AKAP6: variants seen among roughly 807,000 people sequenced by gnomAD.
The protein encoded by AKAP6 is A-kinase anchor protein 6.
AKAP6 carries 58 observed loss-of-function variants against 188.5 expected under a neutral mutation model. That is an observed-to-expected ratio of 0.31 (90% CI 0.25 to 0.38). The LOEUF (loss-of-function observed/expected upper bound fraction) is 0.38. Ranked by LOEUF, AKAP6 falls within the 10% of genes least tolerant of loss-of-function variation. The pLI, the probability that AKAP6 is intolerant of heterozygous loss-of-function variation, is 1.00. For synonymous variants in AKAP6, 989 were observed against 998.6 expected, an observed-to-expected ratio of 0.99 and a Z score of 0.18; for missense variants, 2,710 against 2,740.0, an observed-to-expected ratio of 0.99 and a Z score of 0.24.
intron 2 of AKAP6, among the ~76,000 whole-genome samples, chr14:32,483,827 C>T (rs1879506948): frequency 1.3e-5 from 2 of 151,920 alleles, no homozygotes; most frequent in Non-Finnish European, 1.5e-5. Flanking sequence ...ATATGCAGAA[C>T]GTGCAGGTTT....
At chr14:32,527,824 T>C (rs940155936) in intron 2 of AKAP6, among the ~76,000 whole-genome samples, 6 of 152,228 alleles carry the variant, frequency 3.9e-5, no homozygotes, top group African/African-American at 1.2e-4. Flanking sequence ...TGTTGAGCTT[T>C]AAGACTTCTT....
chr14:32,461,087 A>G (rs1594638177), intron 2 of AKAP6, among the ~76,000 whole-genome samples: 2 of 152,308 alleles, frequency 1.3e-5, no homozygotes, highest in East Asian at 3.9e-4. Flanking sequence ...CAAAACCTCC[A>G]TGTCCCTGGG....
chr14:32,513,898 G>C (rs2139033307), intron 2 of AKAP6, among the ~76,000 whole-genome samples: 1 of 152,060 alleles, frequency 6.6e-6, no homozygotes, highest in African/African-American at 2.4e-5. Context: ...AACATCTTCT[G>C]ATGCGATTAA....
chr14:32,445,757 G>A (rs960546172), intron 2 of AKAP6, among the ~76,000 whole-genome samples: 1 of 152,014 alleles, frequency 6.6e-6, no homozygotes, highest in African/African-American at 2.4e-5. Flanking sequence ...TACTACTCCA[G>A]CTGTTTTTTT....
rs188440236 is a variant in AKAP6 at position 32,481,245 on chromosome 14, G to A, written c.324+47428G>A. Among the ~76,000 whole-genome samples the A allele has an allele frequency of 2.9e-3, 449 of 152,228 alleles. 4 individuals carry two copies. Among genetic ancestry groups the A allele is most frequent in the African/African-American group, 0.01 (427 of 41,530 alleles). ...AATTCCAAGATGGTAAACACTGAAA[G>A]GACACTTCTCCCTACCCCTATTCTC... On this transcript the variant is annotated intron_variant, in intron 2 of 13. Transcript: ENST00000280979.
intron 2 of AKAP6, among the ~76,000 whole-genome samples, chr14:32,493,682 G>T (rs1299558312): frequency 5.3e-5 from 8 of 152,170 alleles, no homozygotes; most frequent in Non-Finnish European, 8.8e-5. Flanking sequence ...ACTGGGAGTT[G>T]GTTGGGGGTA....
At chr14:32,491,479 C>T (rs1300778717) in intron 2 of AKAP6, among the ~76,000 whole-genome samples, 1 of 152,134 alleles carries the variant, frequency 6.6e-6, no homozygotes, top group Non-Finnish European at 1.5e-5. Context: ...CTCTATAACC[C>T]ATAGAATGAA....
chr14:32,487,930 C>T (rs1036177025), intron 2 of AKAP6, among the ~76,000 whole-genome samples: 1 of 152,204 alleles, frequency 6.6e-6, no homozygotes, highest in Non-Finnish European at 1.5e-5. Flanking sequence ...CCCAGAGGGG[C>T]ACCCACCAGA....
intron 2 of AKAP6, among the ~76,000 whole-genome samples, chr14:32,498,595 AGTTT>A (rs1444614056): frequency 6.6e-6 from 1 of 152,010 alleles, no homozygotes; most frequent in Admixed American, 6.6e-5. Flanking sequence ...TTAATCCACC[AGTTT>A]GTTTGCTTTT....
At chr14:32,416,269 T>C (rs1411453851) in intron 1 of AKAP6, among the ~76,000 whole-genome samples, 2 of 152,198 alleles carry the variant, frequency 1.3e-5, no homozygotes, top group African/African-American at 4.8e-5. Flanking sequence ...CAATACCTTG[T>C]AGTTTTGATT....
chr14:32,594,561 T>C (rs17506512), intron 5 of AKAP6, among the ~76,000 whole-genome samples: 14,869 of 152,222 alleles, frequency 0.098, 1,020 homozygotes, highest in Admixed American at 0.19. Context: ...CCTCTTTGGA[T>C]GGCATTGTGG....
At chr14:32,447,774 C>T (rs34976846) in intron 2 of AKAP6, among the ~76,000 whole-genome samples, 31,842 of 152,084 alleles carry the variant, frequency 0.21, 4,360 homozygotes, top group Middle Eastern at 0.32. Context: ...TAGTTGGCAA[C>T]TTAATCATTC....
chr14:32,822,085 T>C lies in AKAP6; in HGVS notation c.4272T>C (p.Asn1424=), dbSNP rs777785860. 17 of 1,613,916 alleles carry C rather than the reference T, an allele frequency of 1.1e-5. No homozygotes were observed. In the South Asian group the frequency reaches 1.8e-4, roughly 17 times the overall value. ...TDEGESIKLP[N]SSQSSISPVG... Reference sequence around the variant, plus strand: ...AGGGGGAAAGCATTAAGCTTCCAAATAGCTCTCAGTCGTCCATTTCACCAG... The same window carrying C: ...AGGGGGAAAGCATTAAGCTTCCAAACAGCTCTCAGTCGTCCATTTCACCAG... Residue 1424 remains asparagine, a synonymous_variant, in exon 13 of 14, where the codon AAT becomes AAC. Coordinates refer to ENST00000280979, the MANE Select transcript of AKAP6 (RefSeq NM_004274.5).
intron 4 of AKAP6, among the ~76,000 whole-genome samples, chr14:32,559,940 A>T (rs984628907): frequency 6.6e-6 from 1 of 152,056 alleles, no homozygotes; most frequent in Non-Finnish European, 1.5e-5. Context: ...CTGACTGAAG[A>T]AAGAAATAGA....
chr14:32,642,544 A>G (rs1887805427), intron 7 of AKAP6, among the ~76,000 whole-genome samples: 1 of 152,164 alleles, frequency 6.6e-6, no homozygotes, highest in African/African-American at 2.4e-5. Context: ...TAGAGGGAAA[A>G]TGTCCTTAAA....
chr14:32,462,259 AC>A (rs756164427), intron 2 of AKAP6, among the ~76,000 whole-genome samples: 5 of 152,096 alleles, frequency 3.3e-5, no homozygotes, highest in Non-Finnish European at 7.4e-5. Context: ...GAGAAGAGCA[AC>A]CCCAAGACAC....
intron 12 of AKAP6, among the ~76,000 whole-genome samples, chr14:32,786,296 A>ATGTTTTATTTTTT: frequency 1.1e-5 from 1 of 93,706 alleles, no homozygotes; most frequent in African/African-American, 4.1e-5. Context: ...CTAAACCTTT[A>ATGTTTTATTTTTT]TCTTTTTTTT....
rs138713930 is a variant in AKAP6, at chr14:32,732,511, G to A, written c.3058G>A (p.Val1020Ile). The change falls in exon 10 of 14, where the codon GTT becomes ATT. Residue 1020 changes from valine to isoleucine, a missense_variant. Physicochemically the swap from Val to Ile is conservative, Grantham distance 29. Transcript: ENST00000280979. ...HLKKTELLSK[V>I]EALKKGGVLL... ...GAAAAAGACGGAGCTGCTTAGTAAG[G>A]TTGAAGCTTTGAAGAAAGGTGGCGT... is the stretch of plus-strand genomic sequence containing the variant. 8.1e-6 allele frequency: 13 copies of A among 1,613,378 alleles called. No individual in the cohort carries two copies. The African/African-American group carries it at 1.6e-4, about 20-fold the overall frequency.
At chr14:32,784,207 G>C (rs1181258909) in intron 12 of AKAP6, among the ~76,000 whole-genome samples, 2 of 152,160 alleles carry the variant, frequency 1.3e-5, no homozygotes, top group Non-Finnish European at 2.9e-5. Context: ...TGAATTGGTT[G>C]ACCACTGATA....
Sources: allele counts gnomAD v4.1 joint callset (sites outside exome capture counted in the v4.1 genomes callset), GRCh38; gene constraint gnomAD v4.1.1; transcripts MANE v1.5; gene names NCBI Gene and HGNC (gene_info 2026-07-23, HGNC 2026-07-21).